Variants in NBAS observed in about 807,000 individuals in gnomAD.
NBAS encodes the protein NBAS subunit of NRZ tethering complex, also known as NAG/BC035112 fusion.
NBAS carries 219 observed loss-of-function variants against 302.5 expected under a neutral mutation model. The ratio of observed to expected loss-of-function variants is 0.72; its 90% CI spans 0.65 to 0.81. The LOEUF is 0.81. Ranked by LOEUF, NBAS falls within the 30% of genes least tolerant of loss-of-function variation. NBAS has a pLI of 0.00. For synonymous variants in NBAS, 1,118 were observed against 1,021.6 expected (o/e 1.09, Z -1.80); for missense variants, 2,932 against 2,841.6 (o/e 1.03, Z -0.72).
chr2:15,561,112 G>T, intron 1 of NBAS, 76 bp downstream of exon 1: 1 of 770,894 alleles, frequency 1.3e-6, no homozygotes, highest in Non-Finnish European at 2.0e-6. Context: ...ACTCCCCTAC[G>T]TGGCTCCTGC....
chr2:15,308,367 T>G lies in NBAS; in HGVS notation c.4660-14A>C, dbSNP rs1308282673. 11 of 1,613,578 alleles carry G rather than the reference T, an allele frequency of 6.8e-6. No individual in the cohort carries two copies. The highest frequency in any genetic ancestry group is 1.3e-5 in the African/African-American group (1 of 75,040). The stretch of plus-strand genomic sequence containing the variant: ...AGCATCTAACACCTAGGAGGGAACA[T>G]GTTAGAATTAACTCAGCTGAAAGGA... On this transcript the variant is annotated splice_polypyrimidine_tract_variant and intron_variant, in intron 39 of 51. Coordinates refer to ENST00000281513, the MANE Select transcript of NBAS (RefSeq NM_015909.4).
At position 15,189,138 on chromosome 2, in the gene NBAS, C is replaced by A. The variant is rs1038106383; in HGVS notation, c.6572+1126G>T. ...AACTAAAGGTGTTATGATGTGAGAG[C>A]CTGCACTGTGGATTTCAAATAGTGA... On this transcript the variant is annotated intron_variant, in intron 49 of 51. Transcript: ENST00000281513. Among the ~76,000 whole-genome samples, 3 of 152,232 alleles carry A rather than the reference C, an allele frequency of 2.0e-5. No individual in the cohort carries two copies. The East Asian group carries it at 5.8e-4, about 29-fold the overall frequency.
intron 10 of NBAS, among the ~76,000 whole-genome samples, chr2:15,509,271 C>G (rs1051679080): frequency 6.6e-6 from 1 of 152,102 alleles, no homozygotes; most frequent in African/African-American, 2.4e-5. Flanking sequence ...CCTCTATGTT[C>G]AGTTATTATG....
the NBAS span, among the ~76,000 whole-genome samples, chr2:14,890,139 T>G: frequency 1.3e-5 from 2 of 152,240 alleles, no homozygotes; most frequent in Non-Finnish European, 2.9e-5. Context: ...TTGTAAATGC[T>G]AATACCTATC....
the NBAS span, among the ~76,000 whole-genome samples, chr2:15,056,079 AT>A: frequency 7.4e-6 from 1 of 135,180 alleles, no homozygotes; most frequent in Admixed American, 8.0e-5. Context: ...ATTATATTAT[AT>A]TTTTTAGAGT....
chr2:15,397,079 A>T (rs1162845137), intron 26 of NBAS, among the ~76,000 whole-genome samples: 1 of 152,290 alleles, frequency 6.6e-6, no homozygotes, highest in African/African-American at 2.4e-5. Flanking sequence ...TGAGGAAGCC[A>T]GTAAGCAGGG....
intron 27 of NBAS, among the ~76,000 whole-genome samples, chr2:15,396,105 A>G (rs1675852271): frequency 6.6e-6 from 1 of 152,158 alleles, no homozygotes. Context: ...GCTTAATCTA[A>G]TATTGATTCC....
At chr2:15,212,745 C>T (rs1313761397) in intron 48 of NBAS, among the ~76,000 whole-genome samples, 2 of 152,124 alleles carry the variant, frequency 1.3e-5, no homozygotes, top group Non-Finnish European at 2.9e-5. Flanking sequence ...TTATAGGAAG[C>T]CTCCTTCGCT....
chr2:14,799,240 A>G, the NBAS span, among the ~76,000 whole-genome samples: 2 of 152,052 alleles, frequency 1.3e-5, no homozygotes, highest in Non-Finnish European at 2.9e-5. Context: ...ATCGGTATCA[A>G]TCACAAATTT....
the NBAS span, among the ~76,000 whole-genome samples, chr2:15,130,244 T>C: frequency 1.3e-5 from 2 of 152,264 alleles, no homozygotes; most frequent in African/African-American, 4.8e-5. Context: ...ATTTCATGGC[T>C]GGATAATATT....
chr2:15,408,656 G>A (rs920719066), intron 25 of NBAS, among the ~76,000 whole-genome samples: 1 of 151,998 alleles, frequency 6.6e-6, no homozygotes, highest in African/African-American at 2.4e-5. Context: ...AAATATCCTG[G>A]GTTAGAAATG....
At chr2:15,385,705 T>C (rs572823352) in intron 28 of NBAS, among the ~76,000 whole-genome samples, 2 of 152,256 alleles carry the variant, frequency 1.3e-5, no homozygotes, top group Non-Finnish European at 2.9e-5. Context: ...CTTTAGAATA[T>C]GTATAAGAAT....
chr2:15,454,211 T>C (rs1415551748), intron 21 of NBAS, among the ~76,000 whole-genome samples: 1 of 152,236 alleles, frequency 6.6e-6, no homozygotes, highest in Non-Finnish European at 1.5e-5. Context: ...ATTTTCTTAC[T>C]GATTCTGGAG....
chr2:15,371,444 C>T (rs1674481280), intron 31 of NBAS, among the ~76,000 whole-genome samples: 9 of 152,160 alleles, frequency 5.9e-5, no homozygotes, highest in Admixed American at 4.6e-4. Flanking sequence ...TATATTATTA[C>T]CTACCGCCAT....
intron 47 of NBAS, among the ~76,000 whole-genome samples, chr2:15,230,874 C>T (rs1667355454): frequency 6.6e-6 from 1 of 152,176 alleles, no homozygotes; most frequent in Non-Finnish European, 1.5e-5. Flanking sequence ...TGCTCTGCTA[C>T]CTGCTGCATG....
At chr2:15,169,173 T>A (rs1664173194) in intron 51 of NBAS, among the ~76,000 whole-genome samples, 1 of 152,100 alleles carries the variant, frequency 6.6e-6, no homozygotes, top group Non-Finnish European at 1.5e-5. Flanking sequence ...CTGCAAACCC[T>A]CAGTGTCTTT....
chr2:15,323,559 A>G (rs1424093956), intron 38 of NBAS, among the ~76,000 whole-genome samples: 2 of 152,168 alleles, frequency 1.3e-5, no homozygotes, highest in Admixed American at 6.5e-5. Flanking sequence ...TTCTCTAGAA[A>G]AAACTTGATG....
chr2:15,452,999 G>C (rs1452646034), intron 21 of NBAS, among the ~76,000 whole-genome samples: 2 of 152,162 alleles, frequency 1.3e-5, no homozygotes, highest in East Asian at 1.9e-4. Flanking sequence ...TATGACATCT[G>C]CAAACAGAAT....
At position 15,474,293 on chromosome 2, in the gene NBAS, C is replaced by T. The variant is rs772522954; in HGVS notation, c.1373G>A (p.Arg458His). Residue 458 changes from arginine (R) to histidine (H), a missense_variant, in exon 15 of 52, where the codon CGT (arginine) becomes CAT (histidine). Physicochemically the swap from Arg to His is conservative, Grantham distance 29. Transcript: ENST00000281513. ...TTCTTCTCCAGCTCTAGTCTCCAAA[C>T]GAGATCGTTTGGGGGCAAGTTTAAT... ...CEIKLAPKRS[R>H]LETRAGEEDE... 14 of 1,613,538 alleles carry T rather than the reference C, an allele frequency of 8.7e-6. No homozygotes were observed. Among genetic ancestry groups the T allele is most frequent in the South Asian group, 1.1e-5 (1 of 90,996 alleles).
Sources: gnomAD v4.1 joint callset for allele counts (sites outside exome capture counted in the v4.1 genomes callset) on GRCh38, gnomAD v4.1.1 for gene constraint, MANE v1.5 for transcripts, NCBI Gene and HGNC (gene_info 2026-07-23, HGNC 2026-07-21) for gene names.